The following HIVEP1 variants were observed in gnomAD, a reference collection of about 807,000 sequenced individuals.
HIVEP1 encodes the protein HIVEP zinc finger 1.
In HIVEP1, 36 loss-of-function variants were observed where a neutral mutation model predicts 180.0. The ratio of observed to expected loss-of-function variants is 0.20; its 90% CI spans 0.15 to 0.26. The LOEUF is 0.26. Among genes scored for constraint, HIVEP1 ranks in the 10% least tolerant of loss-of-function variants. The pLI is 1.00. For missense variants in HIVEP1, 3,143 were observed against 3,268.7 expected (o/e 0.96, Z 0.94); for synonymous variants, 1,239 against 1,239.0 (o/e 1.00, Z 0.00).
chr6:12,013,162 GCT>G (rs2113552904), intron 1 of HIVEP1, among the ~76,000 whole-genome samples: 1 of 152,258 alleles, frequency 6.6e-6, no homozygotes, highest in East Asian at 1.9e-4. Context: ...CTCCTCCTCA[GCT>G]CTCTGCATCC....
chr6:12,164,436 A>G lies in HIVEP1; in HGVS notation c.8132A>G (p.Glu2711Gly), dbSNP rs1355153938. The change falls in exon 9 of 9, where the codon GAG (glutamate) becomes GGG (glycine). Residue 2711 changes from glutamate (E) to glycine (G), a missense_variant. Transcript: ENST00000379388. ...HFSDVSSDDD[E>G]DRLVIAT is the part of the protein sequence containing the mutation. Reference sequence around the variant, plus strand: ...AGCGACGTGAGCAGCGATGATGACGAGGACAGGCTTGTGATAGCAACCTGA... The same window carrying G: ...AGCGACGTGAGCAGCGATGATGACGGGGACAGGCTTGTGATAGCAACCTGA... 1 of 1,607,198 alleles carries G rather than the reference A, an allele frequency of 6.2e-7. No homozygotes were observed. Among genetic ancestry groups the G allele is most frequent in the African/African-American group, 1.3e-5 (1 of 74,590 alleles).
intron 2 of HIVEP1, among the ~76,000 whole-genome samples, chr6:12,016,984 C>G (rs564479966): frequency 6.6e-6 from 1 of 152,168 alleles, no homozygotes; most frequent in Admixed American, 6.5e-5. Context: ...AGCAGCAGCC[C>G]TAGCCCAGCA....
At position 12,125,416 on chromosome 6, in the gene HIVEP1, C is replaced by T. The variant is rs1758000335; in HGVS notation, c.5621C>T (p.Ser1874Leu). 4 of 1,613,898 alleles carry T rather than the reference C, an allele frequency of 2.5e-6. No homozygotes were observed. The highest frequency in any genetic ancestry group is 3.4e-6 in the Non-Finnish European group (4 of 1,179,922). ...STSLTLTVRS[S>L]PAPSENTHIS... ...TCATTAACTCTTACAGTTCGAAGTT[C>T]ACCTGCTCCTTCAGAAAATACTCAT... The change falls in exon 4 of 9, where the codon TCA (serine) becomes TTA (leucine). Residue 1874 changes from serine (S) to leucine (L), a missense_variant. By Grantham distance (145) the Ser-to-Leu change is moderately radical. Transcript: ENST00000379388.
In HIVEP1 at chr6:12,160,739, G is replaced by C. The variant is rs1025373334; in HGVS notation, c.6488-700G>C. 2.0e-5 allele frequency among the ~76,000 whole-genome samples: 3 copies of C among 152,314 alleles called. No individual in the cohort carries two copies. The East Asian group carries it at 5.8e-4, about 29-fold the overall frequency. The stretch of plus-strand genomic sequence containing the variant: ...CAGTGATTAGTGACTGCCTGTCCAC[G>C]GTTAAGCTATAGAATGTGGGATATA... On this transcript the variant is annotated intron_variant, in intron 7 of 8. Coordinates refer to ENST00000379388, the MANE Select transcript of HIVEP1 (RefSeq NM_002114.4).
chr6:12,075,986 AC>A lies in HIVEP1; in HGVS notation c.41-13196del, dbSNP rs1581634777. Among the ~76,000 whole-genome samples, 3 of 152,302 alleles carry A rather than the reference AC, an allele frequency of 2.0e-5. No individual in the cohort carries two copies. The East Asian group carries it at 5.8e-4, about 29-fold the overall frequency. ...GTTAGAATGAGGGCAAATAAGCTCC[AC>A]CTGTTTTATAAGTTGATGTATCTTT... On this transcript the variant is annotated intron_variant, in intron 2 of 8. Transcript: ENST00000379388.
At chr6:12,109,890 A>G (rs1774774000) in intron 3 of HIVEP1, among the ~76,000 whole-genome samples, 1 of 152,238 alleles carries the variant, frequency 6.6e-6, no homozygotes, top group African/African-American at 2.4e-5. Flanking sequence ...CACCTTATGA[A>G]ATGAATTTCT....
intron 2 of HIVEP1, among the ~76,000 whole-genome samples, chr6:12,040,262 G>C (rs1278903427): frequency 6.6e-6 from 1 of 152,146 alleles, no homozygotes; most frequent in African/African-American, 2.4e-5. Flanking sequence ...TTTCCACCAG[G>C]TGGTGCAAAT....
chr6:12,134,616 A>T (rs1418695177), intron 6 of HIVEP1, among the ~76,000 whole-genome samples: 1 of 152,212 alleles, frequency 6.6e-6, no homozygotes, highest in East Asian at 1.9e-4. Flanking sequence ...CACTAAATTC[A>T]ACATTTAGAG....
chr6:12,118,751 T>C (rs1231935390), intron 3 of HIVEP1, among the ~76,000 whole-genome samples: 2 of 152,162 alleles, frequency 1.3e-5, no homozygotes, highest in African/African-American at 4.8e-5. Flanking sequence ...AAACCACAAA[T>C]AAGTGGATTA....
upstream of HIVEP1, chr6:12,008,764 T>A (rs1156742116): frequency 2.6e-5 from 4 of 152,230 alleles, no homozygotes; most frequent in East Asian, 7.7e-4. Context: ...CTCTAGCATT[T>A]CCTCTCACGC....
chr6:12,087,487 C>T (rs1400392091), intron 2 of HIVEP1, among the ~76,000 whole-genome samples: 1 of 152,048 alleles, frequency 6.6e-6, no homozygotes, highest in Non-Finnish European at 1.5e-5. Flanking sequence ...GGGTGAATTA[C>T]TGGCATAGAA....
At chr6:12,099,058 T>C (rs1447786434) in intron 3 of HIVEP1, among the ~76,000 whole-genome samples, 1 of 152,114 alleles carries the variant, frequency 6.6e-6, no homozygotes, top group Non-Finnish European at 1.5e-5. Context: ...AAAACAAATG[T>C]ATGTAGTAAC....
chr6:12,027,503 C>G (rs1466055837), intron 2 of HIVEP1, among the ~76,000 whole-genome samples: 1 of 152,242 alleles, frequency 6.6e-6, no homozygotes, highest in Non-Finnish European at 1.5e-5. Context: ...CCTGTTGAGT[C>G]AGGTAGCGTA....
At chr6:12,193,150 A>T in the HIVEP1 span, among the ~76,000 whole-genome samples, 1 of 152,166 alleles carries the variant, frequency 6.6e-6, no homozygotes, top group East Asian at 1.9e-4. Flanking sequence ...TTTGCTTAAC[A>T]TATTATTCTT....
Position 12,164,158 on chromosome 6 carries a change from T to C in HIVEP1, c.7854T>C (p.Pro2618=). The change falls in exon 9 of 9, where the codon CCT becomes CCC. Residue 2618 remains proline (P), a synonymous_variant. Coordinates refer to ENST00000379388, the MANE Select transcript of HIVEP1 (RefSeq NM_002114.4). ...ATGCAAAAAAAGTTCTGAATCCACC[T>C]GCCCCTGCAGGTGACCATGCAAGGC... ...RENAKKVLNP[P]APAGDHARLD... 1.2e-6 allele frequency: 2 copies of C among 1,614,212 alleles called. No homozygotes were observed. Among genetic ancestry groups the C allele is most frequent in the Non-Finnish European group, 1.7e-6 (2 of 1,180,028 alleles).
chr6:12,107,460 C>T (rs756617405), intron 3 of HIVEP1, among the ~76,000 whole-genome samples: 1 of 152,168 alleles, frequency 6.6e-6, no homozygotes, highest in Non-Finnish European at 1.5e-5. Flanking sequence ...GGTTGGGTGG[C>T]TGTTGCTGTG....
At chr6:12,194,889 A>T in the HIVEP1 span, among the ~76,000 whole-genome samples, 2 of 152,350 alleles carry the variant, frequency 1.3e-5, no homozygotes, top group East Asian at 3.9e-4. Context: ...GGGCTTTGAA[A>T]GCTACATTCA....
At chr6:12,201,475 AAAAC>A in the HIVEP1 span, among the ~76,000 whole-genome samples, 242 of 147,086 alleles carry the variant, frequency 1.6e-3, 1 homozygote, top group East Asian at 0.014. Context: ...AGACCCATCT[AAAAC>A]AAACAAACAA....
the HIVEP1 span, among the ~76,000 whole-genome samples, chr6:12,198,731 A>G: frequency 6.6e-6 from 1 of 152,216 alleles, no homozygotes; most frequent in Non-Finnish European, 1.5e-5. Context: ...ACAACAGTTC[A>G]AAGGCAATGA....
Sources: gnomAD v4.1 joint callset for allele counts (sites outside exome capture counted in the v4.1 genomes callset) on GRCh38, gnomAD v4.1.1 for gene constraint, MANE v1.5 for transcripts, NCBI Gene and HGNC (gene_info 2026-07-23, HGNC 2026-07-21) for gene names.